ANO3: variants seen among roughly 807,000 people sequenced by gnomAD.
ANO3 encodes the protein anoctamin-3.
ANO3 carries 99 observed loss-of-function variants against 144.8 expected under a neutral mutation model. The ratio of observed to expected loss-of-function variants is 0.68; its 90% CI spans 0.58 to 0.81. ANO3 has a LOEUF of 0.81. Ranked by LOEUF, ANO3 falls within the 30% of genes least tolerant of loss-of-function variation. ANO3 has a pLI of 0.00. For missense variants in ANO3, 905 were observed against 1,202.2 expected (o/e 0.75, Z 3.66); for synonymous variants, 414 against 392.6 (o/e 1.05, Z -0.64).
At chr11:26,556,652 G>T (rs967880527) in intron 13 of ANO3, among the ~76,000 whole-genome samples, 1 of 152,092 alleles carries the variant, frequency 6.6e-6, no homozygotes, top group Non-Finnish European at 1.5e-5. Flanking sequence ...TAAAAGATAC[G>T]TGGAGAATAG....
intron 1 of ANO3, among the ~76,000 whole-genome samples, chr11:26,279,330 C>A (rs893025733): frequency 6.6e-6 from 1 of 152,062 alleles, no homozygotes; most frequent in African/African-American, 2.4e-5. Flanking sequence ...AAAATAGATT[C>A]CTTAACAGAT....
At chr11:26,485,090 G>T (rs998702134) in intron 4 of ANO3, among the ~76,000 whole-genome samples, 48 of 152,078 alleles carry the variant, frequency 3.2e-4, no homozygotes, top group African/African-American at 1.1e-3. Context: ...ATGAAACTTT[G>T]GACTGCAGAC....
At chr11:26,193,389 C>T (rs1851516865) in intron 1 of ANO3, among the ~76,000 whole-genome samples, 1 of 152,084 alleles carries the variant, frequency 6.6e-6, no homozygotes. Flanking sequence ...TGCCACCCGC[C>T]TCAGCCTCCC....
intron 24 of ANO3, among the ~76,000 whole-genome samples, chr11:26,651,389 AG>A (rs1853527316): frequency 6.6e-6 from 1 of 152,204 alleles, no homozygotes; most frequent in South Asian, 2.1e-4. Context: ...CTATTAAAAT[AG>A]TCAATACATG....
rs138474546 is a variant in ANO3, at chr11:26,399,475, G to A, written c.47-42443G>A. ...GATCTGTCCTTGTGCACCATTTCAA[G>A]TTTCCTCACTACATTCTATGTACTA... On this transcript the variant is annotated intron_variant, in intron 1 of 26. Coordinates refer to ENST00000256737, the MANE Select transcript of ANO3 (RefSeq NM_031418.4). 1.9e-3 allele frequency among the ~76,000 whole-genome samples: 295 copies of A among 151,636 alleles called. 1 individual carries two copies. The highest frequency in any genetic ancestry group is 6.6e-3 in the African/African-American group (272 of 41,370).
At chr11:26,417,934 A>G (rs1857639120) in intron 1 of ANO3, among the ~76,000 whole-genome samples, 2 of 152,134 alleles carry the variant, frequency 1.3e-5, no homozygotes, top group South Asian at 4.1e-4. Flanking sequence ...AAAATACCAA[A>G]GTAACAACTA....
intron 11 of ANO3, among the ~76,000 whole-genome samples, chr11:26,546,853 AAT>A (rs1445629504): frequency 6.6e-6 from 1 of 151,968 alleles, no homozygotes; most frequent in Non-Finnish European, 1.5e-5. Context: ...AATGACTGGT[AAT>A]TACCATACAT....
intron 1 of ANO3, among the ~76,000 whole-genome samples, chr11:26,261,069 ATCT>A (rs1355037070): frequency 6.6e-6 from 1 of 152,186 alleles, no homozygotes; most frequent in African/African-American, 2.4e-5. Context: ...TCAGAAGATA[ATCT>A]TCATGAACAA....
In ANO3 at chr11:26,245,018, T is replaced by TGTGTGTGCGC. The variant is rs151031559; in HGVS notation, c.154+55691_154+55692insTGTGCGCGTG. On this transcript the variant is annotated intron_variant, in intron 1 of 27. Coordinates refer to the ANO3 transcript ENST00000672621. ...GTGTGTGTGTGTGTGTGTGTGTGTG[T>TGTGTGTGCGC]GTGCATGCATGCATTTGTCTTTCAT... Among the ~76,000 whole-genome samples the TGTGTGTGCGC allele has an allele frequency of 4.2e-3, 605 of 145,416 alleles. 10 individuals carry two copies. The highest frequency in any genetic ancestry group is 9.1e-3 in the African/African-American group (359 of 39,536).
At chr11:26,398,062 C>T (rs193189249) in intron 1 of ANO3, among the ~76,000 whole-genome samples, 2 of 151,874 alleles carry the variant, frequency 1.3e-5, no homozygotes, top group East Asian at 3.9e-4. Context: ...GACTGTATTG[C>T]ATATGAAATG....
At chr11:26,438,468 C>T (rs573159441) in intron 1 of ANO3, among the ~76,000 whole-genome samples, 42 of 151,444 alleles carry the variant, frequency 2.8e-4, no homozygotes, top group East Asian at 1.8e-3. Context: ...AGCTGCCGGC[C>T]GGGTGCAGTG....
intron 1 of ANO3, among the ~76,000 whole-genome samples, chr11:26,385,554 A>T (rs1439358312): frequency 6.6e-6 from 1 of 152,034 alleles, no homozygotes; most frequent in Non-Finnish European, 1.5e-5. Flanking sequence ...CTTTCAACGC[A>T]GTGTAGCATC....
chr11:26,600,056 C>A (rs937647465), intron 17 of ANO3, among the ~76,000 whole-genome samples: 2 of 151,870 alleles, frequency 1.3e-5, no homozygotes, highest in Non-Finnish European at 2.9e-5. Context: ...TAAAATCATC[C>A]CAATAAACTC....
intron 13 of ANO3, among the ~76,000 whole-genome samples, chr11:26,554,323 T>C (rs906579342): frequency 1.3e-5 from 2 of 152,194 alleles, no homozygotes; most frequent in Non-Finnish European, 2.9e-5. Flanking sequence ...TTTATTTCTT[T>C]ACCTATTATC....
chr11:26,329,786 T>C (rs1348407980), upstream of ANO3, among the ~76,000 whole-genome samples: 1 of 151,514 alleles, frequency 6.6e-6, no homozygotes, highest in East Asian at 2.0e-4. Context: ...TACCTGTGCC[T>C]AGAAATGTGG....
At chr11:26,513,511 T>C (rs17243363) in intron 5 of ANO3, among the ~76,000 whole-genome samples, 16,863 of 152,210 alleles carry the variant, frequency 0.11, 1,309 homozygotes, top group Admixed American at 0.16. Flanking sequence ...CAAGTTTTCC[T>C]GCTGTGGAGC....
At chr11:26,309,801 CAG>C (rs2133869684) in intron 1 of ANO3, 1 of 606,560 alleles carries the variant, frequency 1.6e-6, no homozygotes, top group Non-Finnish European at 2.1e-6. Flanking sequence ...AGAGTCTTTA[CAG>C]GGGGGGTGAA....
intron 10 of ANO3, among the ~76,000 whole-genome samples, chr11:26,540,497 C>CT (rs1209610250): frequency 1.3e-5 from 2 of 152,058 alleles, no homozygotes; most frequent in Non-Finnish European, 2.9e-5. Context: ...GCAAAAGAAA[C>CT]TATCATCAGA....
intron 1 of ANO3, among the ~76,000 whole-genome samples, chr11:26,301,425 C>T (rs1162694862): frequency 1.3e-5 from 2 of 152,146 alleles, no homozygotes; most frequent in African/African-American, 4.8e-5. Flanking sequence ...ATAAATGAAA[C>T]TGAAGTACTT....
Sources: allele counts gnomAD v4.1 joint callset (sites outside exome capture counted in the v4.1 genomes callset), GRCh38; gene constraint gnomAD v4.1.1; transcripts MANE v1.5; gene names NCBI Gene and HGNC (gene_info 2026-07-23, HGNC 2026-07-21).